Variants in AMOTL1 observed in about 807,000 individuals in gnomAD.
The protein encoded by AMOTL1 is angiomotin-like protein 1.
AMOTL1 carries 45 observed loss-of-function variants against 102.9 expected under a neutral mutation model. That is an observed-to-expected ratio of 0.44 (90% CI 0.34 to 0.56). AMOTL1 has a LOEUF of 0.56. AMOTL1 is among the 20% of genes least tolerant of loss of function. The pLI is 0.01. For missense variants in AMOTL1, 1,114 were observed against 1,225.6 expected (o/e 0.91, Z 1.36); for synonymous variants, 481 against 484.7 (o/e 0.99, Z 0.10).
Position 94,706,625 on chromosome 11 carries a change from C to T in AMOTL1, c.-51+28C>T, listed in dbSNP as rs1386584662. 3.9e-5 allele frequency: 6 copies of T among 152,238 alleles called. No homozygotes were observed. In the East Asian group the frequency reaches 1.2e-3, roughly 29 times the overall value. 9.4% of individuals were successfully genotyped at this position (152,238 alleles called of 1,614,324 possible). On this transcript the variant is annotated intron_variant, in intron 1 of 4. Coordinates refer to the AMOTL1 transcript ENST00000299004. ...AAGAAAATTCTTATTTAGTGGGTTTCACTCTAGGGAACCTTAACACGAGGG... is the reference window on the plus strand; with the variant it reads ...AAGAAAATTCTTATTTAGTGGGTTTTACTCTAGGGAACCTTAACACGAGGG...
rs966888322 is a variant in AMOTL1, at chr11:94,873,176, G to A, written c.*2381G>A. ...CAGGTGTCAGACTTGCTTGCTCTTCGAGGTCCCCCTGAGCTGCCAAGTGTT... is the reference window on the plus strand; with the variant it reads ...CAGGTGTCAGACTTGCTTGCTCTTCAAGGTCCCCCTGAGCTGCCAAGTGTT... On this transcript the variant is annotated 3_prime_UTR_variant, in exon 13 of 13. Coordinates refer to ENST00000433060, the MANE Select transcript of AMOTL1 (RefSeq NM_130847.3). 2.0e-5 allele frequency: 3 copies of A among 152,122 alleles called. No individual in the cohort carries two copies. The highest frequency in any genetic ancestry group is 7.2e-5 in the African/African-American group (3 of 41,414). The allele number at this position is 152,122 out of a possible 1,614,324, so 9.4% of individuals were successfully genotyped here.
chr11:94,775,763 T>C (rs1951019127), intron 1 of AMOTL1, among the ~76,000 whole-genome samples: 1 of 152,214 alleles, frequency 6.6e-6, no homozygotes. Flanking sequence ...GGGCTTCAGA[T>C]GATAAGACAG....
At chr11:94,710,178 G>T (rs1950000798) in intron 1 of AMOTL1, among the ~76,000 whole-genome samples, 1 of 152,174 alleles carries the variant, frequency 6.6e-6, no homozygotes, top group African/African-American at 2.4e-5. Context: ...TTTGTTAGGG[G>T]AAGGAGGTAG....
intron 3 of AMOTL1, among the ~76,000 whole-genome samples, chr11:94,810,792 T>C (rs1227156431): frequency 7.1e-6 from 1 of 140,330 alleles, no homozygotes; most frequent in Non-Finnish European, 1.5e-5. Flanking sequence ...AAACTTTTTC[T>C]CAAAAAAAAA....
intron 8 of AMOTL1, among the ~76,000 whole-genome samples, chr11:94,856,364 A>C (rs1952664053): frequency 6.6e-6 from 1 of 152,186 alleles, no homozygotes; most frequent in Non-Finnish European, 1.5e-5. Context: ...ATCCACTGGA[A>C]ACATCTTGAG....
At chr11:94,823,644 G>A (rs976950029) in intron 4 of AMOTL1, among the ~76,000 whole-genome samples, 4 of 151,770 alleles carry the variant, frequency 2.6e-5, no homozygotes, top group Non-Finnish European at 4.4e-5. Flanking sequence ...TCCCATGGCT[G>A]TTTCTGAAGA....
chr11:94,870,858 A>G lies in AMOTL1; in HGVS notation c.*63A>G. On this transcript the variant is annotated 3_prime_UTR_variant, in exon 13 of 13. Transcript: ENST00000433060. Reference sequence around the variant, plus strand: ...AAACAAGGAAAGCGGCAGAGAAAGAAGAAAGACCTAGAAGGTTGTAGATGG... The same window carrying G: ...AAACAAGGAAAGCGGCAGAGAAAGAGGAAAGACCTAGAAGGTTGTAGATGG... 2.5e-5 allele frequency: 34 copies of G among 1,359,054 alleles called. No homozygotes were observed. Among genetic ancestry groups the G allele is most frequent in the Non-Finnish European group, 3.3e-5 (33 of 989,986 alleles). 84.2% of individuals were successfully genotyped at this position (1,359,054 alleles called of 1,614,324 possible).
rs372733690 is a variant in AMOTL1, at chr11:94,830,032, G to A, written c.1414-18G>A. The stretch of plus-strand genomic sequence containing the variant: ...TGAATGTCAAAGGTACCACTTTAAT[G>A]CCAGTTCTTTCTTTTAGTTTGAAAA... On this transcript the variant is annotated intron_variant, in intron 4 of 12. Coordinates refer to ENST00000433060, the MANE Select transcript of AMOTL1 (RefSeq NM_130847.3). The A allele has an allele frequency of 1.3e-6, 2 of 1,580,742 alleles. No individual in the cohort carries two copies. The highest frequency in any genetic ancestry group is 1.9e-5 in the Admixed American group (1 of 53,218).
chr11:94,780,637 T>C (rs1057082869), intron 1 of AMOTL1, among the ~76,000 whole-genome samples: 3 of 152,234 alleles, frequency 2.0e-5, no homozygotes, highest in African/African-American at 7.2e-5. Context: ...TATCTTTTCC[T>C]GTCTTCATGA....
At chr11:94,864,006 G>A (rs555867750) in intron 9 of AMOTL1, among the ~76,000 whole-genome samples, 3 of 152,224 alleles carry the variant, frequency 2.0e-5, no homozygotes, top group African/African-American at 7.2e-5. Flanking sequence ...TCCCAGGCAG[G>A]GCCCATAAAA....
intron 6 of AMOTL1, among the ~76,000 whole-genome samples, chr11:94,834,516 C>T (rs1952133409): frequency 6.6e-6 from 1 of 151,986 alleles, no homozygotes; most frequent in Non-Finnish European, 1.5e-5. Flanking sequence ...GGCGTGAACC[C>T]GGGAGGCGGG....
At chr11:94,720,855 G>A (rs1273366912) in intron 1 of AMOTL1, among the ~76,000 whole-genome samples, 3 of 152,130 alleles carry the variant, frequency 2.0e-5, no homozygotes, top group Non-Finnish European at 1.5e-5. Flanking sequence ...GGGATTGAAG[G>A]AGGAGGGTGT....
At chr11:94,707,250 CTGTG>C (rs71459746) in intron 1 of AMOTL1, among the ~76,000 whole-genome samples, 2 of 71,710 alleles carry the variant, frequency 2.8e-5, no homozygotes, top group South Asian at 4.8e-4. Context: ...CTCTCTCTCT[CTGTG>C]TGTGTGTGTG....
At chr11:94,797,099 G>A (rs1951382945) in intron 2 of AMOTL1, 3 of 855,476 alleles carry the variant, frequency 3.5e-6, no homozygotes, top group Non-Finnish European at 2.8e-6. Context: ...GATGAACTTG[G>A]GGAAGAAAGA....
intron 4 of AMOTL1, among the ~76,000 whole-genome samples, chr11:94,827,724 G>C (rs186222529): frequency 6.6e-6 from 1 of 152,150 alleles, no homozygotes; most frequent in Non-Finnish European, 1.5e-5. Context: ...ATCTCAGCTC[G>C]GCTCCAGTTG....
intron 1 of AMOTL1, among the ~76,000 whole-genome samples, chr11:94,788,515 CACAT>C (rs1204128184): frequency 1.3e-5 from 2 of 152,198 alleles, no homozygotes; most frequent in Non-Finnish European, 2.9e-5. Flanking sequence ...AATTTCAGCC[CACAT>C]ATCTCTTTCT....
intron 6 of AMOTL1, among the ~76,000 whole-genome samples, chr11:94,842,595 A>G (rs543153994): frequency 1.6e-4 from 25 of 152,332 alleles, no homozygotes; most frequent in Non-Finnish European, 3.5e-4. Context: ...TCATTTTCCC[A>G]TATTATCCAT....
In AMOTL1 at chr11:94,743,651, CTTT is replaced by C. The variant is rs760828820; in HGVS notation, c.136+2686_136+2688del. ...AATTATTTCTCTACTCACAATACTT[CTTT>C]TTTTTTTTTTTTTTTTTTTTTTGTG... On this transcript the variant is annotated intron_variant, in intron 3 of 4. Transcript: ENST00000299004. Among the ~76,000 whole-genome samples, 833 of 97,776 alleles carry C rather than the reference CTTT, an allele frequency of 8.5e-3. 2 individuals carry two copies. Among genetic ancestry groups the C allele is most frequent in the African/African-American group, 0.038 (791 of 20,730 alleles). 64.1% of individuals were successfully genotyped at this position (97,776 alleles called of 152,430 possible). A position where few individuals can be genotyped will look rare whatever the true frequency, so the allele number is the denominator to read the frequency against.
intron 3 of AMOTL1, among the ~76,000 whole-genome samples, chr11:94,745,101 C>A (rs1193728220): frequency 6.6e-6 from 1 of 151,864 alleles, no homozygotes; most frequent in Non-Finnish European, 1.5e-5. Flanking sequence ...GGTACATGTG[C>A]ACAACATGCA....
Sources: allele counts gnomAD v4.1 joint callset (sites outside exome capture counted in the v4.1 genomes callset), GRCh38; gene constraint gnomAD v4.1.1; transcripts MANE v1.5; gene names NCBI Gene and HGNC (gene_info 2026-07-23, HGNC 2026-07-21).